Variants in DLG2 observed in about 807,000 individuals in gnomAD.
The protein encoded by DLG2 is disks large homolog 2.
Under a neutral mutation model 132.5 loss-of-function variants are expected in DLG2, and 45 were observed. That is an observed-to-expected ratio of 0.34 (90% CI 0.27 to 0.44). The LOEUF (loss-of-function observed/expected upper bound fraction) is 0.44. Among genes scored for constraint, DLG2 ranks in the 20% least tolerant of loss-of-function variants. The pLI is 1.00. For synonymous variants in DLG2, 424 were observed against 419.6 expected (o/e 1.01, Z -0.13); for missense variants, 1,045 against 1,196.9 (o/e 0.87, Z 1.87).
At chr11:84,308,714 G>A (rs2098255756) in intron 7 of DLG2, among the ~76,000 whole-genome samples, 1 of 152,182 alleles carries the variant, frequency 6.6e-6, no homozygotes, top group Non-Finnish European at 1.5e-5. Flanking sequence ...GTGAGAAATC[G>A]AGCGCAGCGC....
At chr11:84,887,883 A>G (rs573641248) in intron 6 of DLG2, among the ~76,000 whole-genome samples, 3 of 152,284 alleles carry the variant, frequency 2.0e-5, no homozygotes, top group South Asian at 2.1e-4. Context: ...AAGCATGACC[A>G]CTACATCTGC....
chr11:84,537,405 C>T (rs775807979), intron 6 of DLG2, among the ~76,000 whole-genome samples: 5 of 152,086 alleles, frequency 3.3e-5, no homozygotes, highest in Non-Finnish European at 5.9e-5. Context: ...CGCACCCAGC[C>T]CTGAATTACT....
At position 84,356,708 on chromosome 11, in the gene DLG2, T is replaced by C. The variant is rs182045791; in HGVS notation, c.520-105417A>G. ...TGATGTTTTCTTATTCTAATTATTA[T>C]TATCAATAACTTCTACAAAGAACGC... On this transcript the variant is annotated intron_variant, in intron 7 of 27. Coordinates refer to ENST00000376104, the MANE Select transcript of DLG2 (RefSeq NM_001142699.3). Among the ~76,000 whole-genome samples, 8 of 152,166 alleles carry C rather than the reference T, an allele frequency of 5.3e-5. No individual in the cohort carries two copies. In the South Asian group the frequency reaches 6.2e-4, roughly 12 times the overall value.
intron 7 of DLG2, among the ~76,000 whole-genome samples, chr11:84,379,059 T>A (rs1444764833): frequency 6.6e-6 from 1 of 151,978 alleles, no homozygotes; most frequent in Admixed American, 6.6e-5. Context: ...TTATTTCTTT[T>A]GAAACTCACC....
chr11:84,681,316 T>C (rs1595643715), intron 6 of DLG2, among the ~76,000 whole-genome samples: 1 of 152,326 alleles, frequency 6.6e-6, no homozygotes, highest in East Asian at 1.9e-4. Flanking sequence ...ATTTATCTTA[T>C]TTCATTTTTA....
intron 18 of DLG2, among the ~76,000 whole-genome samples, chr11:83,708,392 G>A (rs1037342023): frequency 7.9e-5 from 12 of 152,226 alleles, no homozygotes; most frequent in African/African-American, 2.2e-4. Context: ...TATAATATAC[G>A]TTGCTATTTA....
intron 13 of DLG2, among the ~76,000 whole-genome samples, chr11:83,963,740 C>T (rs1307528504): frequency 6.6e-6 from 1 of 151,888 alleles, no homozygotes; most frequent in Admixed American, 6.6e-5. Flanking sequence ...TTTAATACCC[C>T]CCAACACATA....
At chr11:84,677,947 T>C (rs2099718310) in intron 6 of DLG2, among the ~76,000 whole-genome samples, 1 of 152,026 alleles carries the variant, frequency 6.6e-6, no homozygotes, top group Non-Finnish European at 1.5e-5. Context: ...TATAGAACAA[T>C]ATTAATCTAA....
chr11:84,357,781 A>C (rs535929244), intron 7 of DLG2, among the ~76,000 whole-genome samples: 32 of 152,168 alleles, frequency 2.1e-4, no homozygotes, highest in Non-Finnish European at 4.3e-4. Context: ...AAGTAAGAAA[A>C]ATATTTATTT....
intron 2 of DLG2, among the ~76,000 whole-genome samples, chr11:85,622,633 A>G (rs2081797792): frequency 6.6e-6 from 1 of 151,996 alleles, no homozygotes; most frequent in Non-Finnish European, 1.5e-5. Context: ...AGAGGAAAAA[A>G]AAAAAAAAGA....
chr11:84,210,233 A>G (rs1403506022), intron 8 of DLG2, among the ~76,000 whole-genome samples: 4 of 152,006 alleles, frequency 2.6e-5, no homozygotes, highest in Admixed American at 2.0e-4. Flanking sequence ...CAGTAAGCCA[A>G]GATAGAGCCA....
At chr11:85,493,788 G>A (rs1396567800) in intron 3 of DLG2, among the ~76,000 whole-genome samples, 1 of 146,034 alleles carries the variant, frequency 6.8e-6, no homozygotes, top group African/African-American at 2.5e-5. Flanking sequence ...GGGAAGGAGG[G>A]AGGAAGGAAA....
At chr11:83,794,488 G>T (rs2042327904) in intron 17 of DLG2, among the ~76,000 whole-genome samples, 2 of 132,024 alleles carry the variant, frequency 1.5e-5, no homozygotes, top group African/African-American at 2.8e-5. Context: ...TTTTTCACCT[G>T]GATGCATGGA....
intron 4 of DLG2, among the ~76,000 whole-genome samples, chr11:85,244,929 A>G (rs1400267583): frequency 3.9e-5 from 6 of 152,108 alleles, no homozygotes; most frequent in Non-Finnish European, 5.9e-5. Flanking sequence ...GGTACACCTC[A>G]GGATTCACTC....
intron 18 of DLG2, among the ~76,000 whole-genome samples, chr11:83,750,421 A>G (rs2093226823): frequency 6.6e-6 from 1 of 152,218 alleles, no homozygotes; most frequent in African/African-American, 2.4e-5. Flanking sequence ...TATTGAGATA[A>G]GAATTACCAA....
At chr11:83,997,121 TAA>T (rs61167925) in intron 11 of DLG2, among the ~76,000 whole-genome samples, 132,733 of 148,906 alleles carry the variant, frequency 0.89, 59,244 homozygotes, top group East Asian at 1. Context: ...AAACTAAAAG[TAA>T]AAAAAAAAAA....
chr11:84,053,404 C>A (rs895418174), intron 11 of DLG2, among the ~76,000 whole-genome samples: 1 of 151,818 alleles, frequency 6.6e-6, no homozygotes, highest in Non-Finnish European at 1.5e-5. Context: ...ACCTGCACAT[C>A]CTGCACATAT....
chr11:85,553,462 A>G (rs1222337034), intron 3 of DLG2, among the ~76,000 whole-genome samples: 1 of 151,056 alleles, frequency 6.6e-6, no homozygotes, highest in East Asian at 1.9e-4. Flanking sequence ...TTTTGGAGGT[A>G]CACAACACCA....
At chr11:84,213,227 C>T (rs1031434935) in intron 8 of DLG2, among the ~76,000 whole-genome samples, 2 of 152,198 alleles carry the variant, frequency 1.3e-5, no homozygotes, top group Non-Finnish European at 2.9e-5. Flanking sequence ...CCCCATCTAA[C>T]CTTCCATACC....
Sources: gnomAD v4.1 joint callset for allele counts (sites outside exome capture counted in the v4.1 genomes callset) on GRCh38, gnomAD v4.1.1 for gene constraint, MANE v1.5 for transcripts, NCBI Gene and HGNC (gene_info 2026-07-23, HGNC 2026-07-21) for gene names.